ABCA4: variants seen among roughly 807,000 people sequenced by gnomAD.
ABCA4 encodes the protein ATP binding cassette subfamily A member 4, also known as retinal-specific phospholipid-transporting ATPase ABCA4.
ABCA4 carries 196 observed loss-of-function variants against 263.7 expected under a neutral mutation model. The observed-to-expected ratio is 0.74, with a 90% CI of 0.66 to 0.84. The LOEUF (loss-of-function observed/expected upper bound fraction) is 0.84, where lower values mean the gene tolerates loss of function less well. Ranked by LOEUF, ABCA4 falls within the 40% of genes least tolerant of loss-of-function variation. The pLI, the probability that ABCA4 is intolerant of heterozygous loss-of-function variation, is 0.00. For synonymous variants in ABCA4, 1,133 were observed against 1,094.2 expected, an observed-to-expected ratio of 1.04 and a Z score of -0.70; for missense variants, 2,792 against 2,855.1, an observed-to-expected ratio of 0.98 and a Z score of 0.50.
At chr1:94,030,582 A>C (rs1660172539) in intron 28 of ABCA4, 56 bp from the exon 29 acceptor site, 1 of 1,504,052 alleles carries the variant, frequency 6.6e-7, no homozygotes. Context: ...AACATCATGC[A>C]ACTCAGAGCC....
At chr1:94,116,652 C>T (rs1662772722) in intron 1 of ABCA4, among the ~76,000 whole-genome samples, 1 of 152,190 alleles carries the variant, frequency 6.6e-6, no homozygotes, top group Non-Finnish European at 1.5e-5. Flanking sequence ...GTCTGGTTTT[C>T]ACAATAGCCT....
intron 3 of ABCA4, among the ~76,000 whole-genome samples, chr1:94,110,220 C>T (rs1362333102): frequency 1.3e-5 from 2 of 152,242 alleles, no homozygotes; most frequent in African/African-American, 4.8e-5. Flanking sequence ...CCTCTTCTAT[C>T]ATCTGGTAAT....
At position 94,081,726 on chromosome 1, in the gene ABCA4, T is replaced by C. The variant is rs909989173; in HGVS notation, c.859-1008A>G. ...CAATTCTGTGCCAGCTAAGAGGAGG[T>C]TGGTGGCCTTCTCTTCTCCATGTGG... On this transcript the variant is annotated intron_variant, in intron 7 of 49. Transcript: ENST00000370225. 4.6e-5 allele frequency among the ~76,000 whole-genome samples: 7 copies of C among 152,074 alleles called. No individual in the cohort carries two copies. In the East Asian group the frequency reaches 1.2e-3, roughly 25 times the overall value.
intron 11 of ABCA4, among the ~76,000 whole-genome samples, chr1:94,070,966 C>A (rs569664754): frequency 2.0e-5 from 3 of 152,130 alleles, no homozygotes; most frequent in South Asian, 2.1e-4. Context: ...AAGAGACTGG[C>A]GGCCTGGCAA....
intron 13 of ABCA4, chr1:94,061,370 C>T (rs1661123358): frequency 6.3e-6 from 1 of 158,582 alleles, no homozygotes; most frequent in Non-Finnish European, 1.4e-5. Context: ...GGAGGAGACC[C>T]TGGTATATCC....
chr1:94,026,010 C>T (rs987791506), intron 30 of ABCA4, among the ~76,000 whole-genome samples: 3 of 152,182 alleles, frequency 2.0e-5, no homozygotes, highest in Admixed American at 6.5e-5. Context: ...GCTAGTTCAT[C>T]GAAATATTTT....
chr1:94,051,798 A>T (rs1660849679), intron 16 of ABCA4, 100 bp from the exon 17 acceptor site: 2 of 871,784 alleles, frequency 2.3e-6, no homozygotes, highest in Non-Finnish European at 3.8e-6. Flanking sequence ...CTGAACCTCA[A>T]ATTGTAACTA....
intron 4 of ABCA4, among the ~76,000 whole-genome samples, chr1:94,104,625 C>T (rs75059203): frequency 2.7e-4 from 41 of 152,300 alleles, no homozygotes; most frequent in African/African-American, 8.9e-4. Flanking sequence ...TCTTGAAGTT[C>T]GACCACACAG....
chr1:94,082,347 G>T (rs1661723304), intron 7 of ABCA4, among the ~76,000 whole-genome samples: 1 of 152,238 alleles, frequency 6.6e-6, no homozygotes, highest in Admixed American at 6.5e-5. Flanking sequence ...AGACAGTCAA[G>T]AAGCCTTCTG....
At chr1:94,116,225 C>T (rs1005367656) in intron 1 of ABCA4, among the ~76,000 whole-genome samples, 1 of 152,160 alleles carries the variant, frequency 6.6e-6, no homozygotes, top group Non-Finnish European at 1.5e-5. Flanking sequence ...GTTCCCACCT[C>T]ACCTGTGCCC....
chr1:93,994,606 A>G (rs1181623688), intron 49 of ABCA4, among the ~76,000 whole-genome samples: 3 of 152,266 alleles, frequency 2.0e-5, no homozygotes, highest in South Asian at 4.1e-4. Context: ...ACAGACATAT[A>G]CAATGCTATA....
intron 47 of ABCA4, 39 bp from the exon 48 acceptor site, chr1:93,998,149 T>C: frequency 6.2e-7 from 1 of 1,613,742 alleles, no homozygotes; most frequent in African/African-American, 1.3e-5. Context: ...CCTCTGTTAG[T>C]GGTTGGGCCT....
intron 11 of ABCA4, among the ~76,000 whole-genome samples, chr1:94,076,487 C>T (rs978985553): frequency 3.3e-5 from 5 of 152,176 alleles, no homozygotes; most frequent in Non-Finnish European, 5.9e-5. Flanking sequence ...AAGCAAAAAG[C>T]TTGTGACCAA....
intron 4 of ABCA4, among the ~76,000 whole-genome samples, chr1:94,105,566 G>A (rs1243991262): frequency 7.2e-6 from 1 of 138,098 alleles, no homozygotes; most frequent in African/African-American, 2.6e-5. Context: ...AATAAATTTC[G>A]TTTAAAATGT....
At chr1:94,108,799 A>G (rs80088867) in intron 3 of ABCA4, 83 bp from the exon 4 acceptor site, 7 of 1,353,418 alleles carry the variant, frequency 5.2e-6, no homozygotes, top group Non-Finnish European at 1.0e-6. Flanking sequence ...TTTTTTTTTT[A>G]TCTCGCTCTG....
chr1:94,074,133 G>T (rs994259012), intron 11 of ABCA4, among the ~76,000 whole-genome samples: 11 of 152,122 alleles, frequency 7.2e-5, no homozygotes, highest in Non-Finnish European at 1.5e-4. Flanking sequence ...AGTCGATCTG[G>T]GTTGATGCTT....
chr1:93,997,652 T>TA (rs369448929), intron 48 of ABCA4, among the ~76,000 whole-genome samples: 3 of 151,662 alleles, frequency 2.0e-5, no homozygotes, highest in African/African-American at 4.8e-5. Context: ...AAGGAAAATG[T>TA]AAAAAAAAGA....
chr1:93,996,237 G>A (rs971398687), intron 48 of ABCA4, 42 bp from the exon 49 acceptor site: 1 of 1,480,672 alleles, frequency 6.8e-7, no homozygotes, highest in Non-Finnish European at 9.4e-7. Context: ...ATATTTCCAG[G>A]AAAACAGCAC....
intron 18 of ABCA4, 24 bp downstream of exon 18, chr1:94,048,844 G>C (rs1660760291): frequency 6.2e-7 from 1 of 1,610,980 alleles, no homozygotes; most frequent in Admixed American, 1.7e-5. Flanking sequence ...CGCCTCTGCT[G>C]TGTATTCTTT....
Sources: allele counts gnomAD v4.1 joint callset (sites outside exome capture counted in the v4.1 genomes callset), GRCh38; gene constraint gnomAD v4.1.1; transcripts MANE v1.5; gene names NCBI Gene and HGNC (gene_info 2026-07-23, HGNC 2026-07-21).